Variants in MECOM observed in about 807,000 individuals in gnomAD.
MECOM encodes MDS1 and EVI1 complex locus, also known as histone-lysine N-methyltransferase MECOM.
A neutral mutation model predicts 116.3 loss-of-function variants in MECOM; 13 were observed. That is an observed-to-expected ratio of 0.11 (90% CI 0.07 to 0.18). MECOM has a LOEUF of 0.18. MECOM is among the 10% of genes least tolerant of loss of function. The pLI is 1.00. For synonymous variants in MECOM, 528 were observed against 535.2 expected (o/e 0.99, Z 0.19); for missense variants, 1,299 against 1,509.0 (o/e 0.86, Z 2.31).
At chr3:169,286,028 C>T (rs986593025) in intron 2 of MECOM, among the ~76,000 whole-genome samples, 4 of 152,258 alleles carry the variant, frequency 2.6e-5, no homozygotes, top group East Asian at 1.9e-4. Flanking sequence ...AACATGCATT[C>T]GCTGTGAAAA....
At chr3:169,661,257 G>T (rs1047740076) in intron 1 of MECOM, among the ~76,000 whole-genome samples, 1 of 151,944 alleles carries the variant, frequency 6.6e-6, no homozygotes, top group South Asian at 2.1e-4. Flanking sequence ...ACTTAGGCAT[G>T]GTTGAAAAGG....
At chr3:169,491,116 C>T (rs533189101) in intron 1 of MECOM, among the ~76,000 whole-genome samples, 67 of 152,238 alleles carry the variant, frequency 4.4e-4, no homozygotes, top group African/African-American at 1.5e-3. Context: ...TTTAGCTTCC[C>T]AAAGTGCTGG....
At chr3:169,294,315 G>GA (rs751567744) in intron 2 of MECOM, among the ~76,000 whole-genome samples, 1 of 152,114 alleles carries the variant, frequency 6.6e-6, no homozygotes, top group African/African-American at 2.4e-5. Flanking sequence ...AATCATTTTA[G>GA]AAAATAGTTT....
In MECOM at chr3:169,336,940, T is replaced by A. The variant is rs925997256; in HGVS notation, c.375+44247A>T. 3.9e-5 allele frequency among the ~76,000 whole-genome samples: 6 copies of A among 152,254 alleles called. No homozygotes were observed. The South Asian group carries it at 6.2e-4, about 16-fold the overall frequency. On this transcript the variant is annotated intron_variant, in intron 2 of 16. Transcript: ENST00000651503. ...AGAAACATCTCAGTAACTTTAGATA[T>A]TTTTTCCGAGAGAAATTCAATGCAA...
At chr3:169,382,088 GCCCT>G (rs1732482683) in intron 1 of MECOM, among the ~76,000 whole-genome samples, 1 of 152,102 alleles carries the variant, frequency 6.6e-6, no homozygotes, top group Non-Finnish European at 1.5e-5. Context: ...ATGTCACCAA[GCCCT>G]TGGTATTTCC....
intron 2 of MECOM, among the ~76,000 whole-genome samples, chr3:169,261,745 A>AG (rs1553783512): frequency 0.011 from 1,663 of 150,328 alleles, 22 homozygotes; most frequent in African/African-American, 0.032. Context: ...GAGAAGGAGA[A>AG]AAGAAGAAGA....
chr3:169,605,501 CT>C (rs1218779958), intron 1 of MECOM, among the ~76,000 whole-genome samples: 1 of 152,210 alleles, frequency 6.6e-6, no homozygotes, highest in Non-Finnish European at 1.5e-5. Context: ...AACAGTAACC[CT>C]GTTAGCCCTG....
At chr3:169,321,837 TGGAAA>T (rs1253387289) in intron 2 of MECOM, among the ~76,000 whole-genome samples, 4 of 152,182 alleles carry the variant, frequency 2.6e-5, no homozygotes. Context: ...GAGACATTTT[TGGAAA>T]GGAAAGAGGA....
intron 2 of MECOM, among the ~76,000 whole-genome samples, chr3:169,198,272 G>A (rs893758731): frequency 3.9e-5 from 6 of 151,990 alleles, no homozygotes; most frequent in African/African-American, 1.4e-4. Context: ...TTTTATTTTT[G>A]AAGAAAAACT....
chr3:169,121,898 A>G (rs187011919), intron 6 of MECOM, among the ~76,000 whole-genome samples: 1 of 75,290 alleles, frequency 1.3e-5, no homozygotes, highest in South Asian at 3.8e-4. Context: ...ATTGGCATGA[A>G]AAAAAAAAAG....
In MECOM at chr3:169,548,259, AGT is replaced by A. The variant is rs148582558; in HGVS notation, c.37+115075_37+115076del. On this transcript the variant is annotated intron_variant, in intron 1 of 16. Transcript: ENST00000651503. ...TTTGTGGTTTAAAAACCTAATTTGAAGTGGTTTATTTTTAGAATGCCACCTTT... is the reference window on the plus strand; with the variant it reads ...TTTGTGGTTTAAAAACCTAATTTGAAGGTTTATTTTTAGAATGCCACCTTT... Among the ~76,000 whole-genome samples the A allele has an allele frequency of 9.6e-3, 1,459 of 152,294 alleles. 21 individuals carry two copies. Among genetic ancestry groups the A allele is most frequent in the African/African-American group, 0.033 (1,392 of 41,570 alleles).
At chr3:169,548,971 C>CTTTTTTT (rs756925389) in intron 1 of MECOM, among the ~76,000 whole-genome samples, 1 of 119,100 alleles carries the variant, frequency 8.4e-6, no homozygotes, top group South Asian at 2.7e-4. Context: ...ATTTGTCTCT[C>CTTTTTTT]TTTTTTTTTT....
At chr3:169,616,798 G>A (rs1770067151) in intron 1 of MECOM, among the ~76,000 whole-genome samples, 1 of 152,218 alleles carries the variant, frequency 6.6e-6, no homozygotes, top group Non-Finnish European at 1.5e-5. Context: ...TGCTCAAAGA[G>A]GAAGGGAAAT....
chr3:169,348,867 G>A (rs565215326), intron 2 of MECOM, among the ~76,000 whole-genome samples: 16 of 151,820 alleles, frequency 1.1e-4, no homozygotes, highest in South Asian at 2.1e-4. Flanking sequence ...TTACTATTTC[G>A]GTCTACCTCC....
chr3:169,436,225 G>A (rs74536369), intron 1 of MECOM, among the ~76,000 whole-genome samples: 4,650 of 146,992 alleles, frequency 0.032, 184 homozygotes, highest in African/African-American at 0.088. Context: ...AAAAAAAAAA[G>A]GGAAATTCTG....
chr3:169,344,884 G>A (rs1269419154), intron 2 of MECOM, among the ~76,000 whole-genome samples: 1 of 152,126 alleles, frequency 6.6e-6, no homozygotes, highest in Non-Finnish European at 1.5e-5. Context: ...AGAGGAAGAG[G>A]AAGAGGTAAG....
chr3:169,249,546 C>A (rs1319422511), intron 2 of MECOM, among the ~76,000 whole-genome samples: 3 of 152,110 alleles, frequency 2.0e-5, no homozygotes, highest in East Asian at 3.9e-4. Context: ...GAGAAGTTAG[C>A]CTGATAGGGT....
chr3:169,216,773 CA>C (rs1239634259), intron 2 of MECOM, among the ~76,000 whole-genome samples: 1 of 151,166 alleles, frequency 6.6e-6, no homozygotes, highest in Admixed American at 6.6e-5. Context: ...CTTAATTTTG[CA>C]AAAGAGATAT....
At chr3:169,196,394 T>G (rs1009963228) in intron 2 of MECOM, among the ~76,000 whole-genome samples, 2 of 152,066 alleles carry the variant, frequency 1.3e-5, no homozygotes, top group Non-Finnish European at 2.9e-5. Context: ...GGTTTGTGAT[T>G]AATTCATAAA....
Sources: allele counts gnomAD v4.1 joint callset (sites outside exome capture counted in the v4.1 genomes callset), GRCh38; gene constraint gnomAD v4.1.1; transcripts MANE v1.5; gene names NCBI Gene and HGNC (gene_info 2026-07-23, HGNC 2026-07-21).